PPP1R13B: variants seen among roughly 807,000 people sequenced by gnomAD.
PPP1R13B encodes the protein apoptosis-stimulating of p53 protein 1.
Under a neutral mutation model 119.8 loss-of-function variants are expected in PPP1R13B, and 44 were observed. That is an observed-to-expected ratio of 0.37 (90% CI 0.29 to 0.47). PPP1R13B has a LOEUF of 0.47. Among genes scored for constraint, PPP1R13B ranks in the 20% least tolerant of loss-of-function variants. PPP1R13B has a pLI of 0.99. For missense variants in PPP1R13B, 1,227 were observed against 1,413.5 expected, an observed-to-expected ratio of 0.87 and a Z score of 2.12; for synonymous variants, 542 against 561.5, an observed-to-expected ratio of 0.97 and a Z score of 0.49.
chr14:103,753,726 C>T (rs1489126381), intron 6 of PPP1R13B, among the ~76,000 whole-genome samples: 1 of 152,178 alleles, frequency 6.6e-6, no homozygotes, highest in Non-Finnish European at 1.5e-5. Context: ...GATTTTTCTA[C>T]TGCGTCTGAG....
chr14:103,769,197 T>C (rs1367723993), intron 4 of PPP1R13B, among the ~76,000 whole-genome samples: 1 of 152,134 alleles, frequency 6.6e-6, no homozygotes, highest in African/African-American at 2.4e-5. Flanking sequence ...GCAATTCTCC[T>C]GCTTAAGCCT....
intron 1 of PPP1R13B, among the ~76,000 whole-genome samples, chr14:103,825,248 C>T (rs1238102894): frequency 6.6e-6 from 1 of 152,166 alleles, no homozygotes; most frequent in African/African-American, 2.4e-5. Context: ...TTTCTCGAGC[C>T]TCCCTATTCC....
chr14:103,812,751 C>A lies in PPP1R13B; in HGVS notation c.10-15233G>T, dbSNP rs1216323433. Among the ~76,000 whole-genome samples the A allele has an allele frequency of 3.9e-5, 6 of 152,270 alleles. No homozygotes were observed. The South Asian group carries it at 8.3e-4, about 21-fold the overall frequency. On this transcript the variant is annotated intron_variant, in intron 1 of 16. Coordinates refer to ENST00000202556, the MANE Select transcript of PPP1R13B (RefSeq NM_015316.3). The stretch of plus-strand genomic sequence containing the variant: ...ATTTTTAATGGGCAAATGATCTGAA[C>A]AGATACTTCACCAAAGATGACATAC...
intron 4 of PPP1R13B, among the ~76,000 whole-genome samples, chr14:103,776,442 C>T (rs2085197167): frequency 6.6e-6 from 1 of 152,104 alleles, no homozygotes; most frequent in Admixed American, 6.6e-5. Context: ...TAGAAAGCTC[C>T]GAGGCCAGTG....
intron 2 of PPP1R13B, among the ~76,000 whole-genome samples, chr14:103,788,251 C>CCTAG (rs1459264861): frequency 1.3e-5 from 2 of 152,130 alleles, no homozygotes; most frequent in Non-Finnish European, 2.9e-5. Flanking sequence ...CTTAAACTTC[C>CCTAG]CTAGCTTCTT....
intron 1 of PPP1R13B, among the ~76,000 whole-genome samples, chr14:103,805,339 C>A (rs1328796366): frequency 1.3e-5 from 2 of 151,968 alleles, no homozygotes; most frequent in Non-Finnish European, 2.9e-5. Flanking sequence ...GGGAGGCCAA[C>A]GGTGGCAGAT....
At position 103,735,007 on chromosome 14, in the gene PPP1R13B, CTG is replaced by C. The variant is rs774195759; in HGVS notation, c.*145_*146del. 3 of 903,558 alleles carry C rather than the reference CTG, an allele frequency of 3.3e-6. No individual in the cohort carries two copies. The highest frequency in any genetic ancestry group is 2.6e-5 in the East Asian group (1 of 38,226). The allele number at this position is 903,558 out of a possible 1,614,324, so 56.0% of individuals were successfully genotyped here. ...CTGGAGAAAGGGCCTCACCTGGAAA[CTG>C]TAGGATTCACATTGTGGACGCTGTC... is the stretch of plus-strand genomic sequence containing the variant. On this transcript the variant is annotated 3_prime_UTR_variant, in exon 17 of 17. Coordinates refer to ENST00000202556, the MANE Select transcript of PPP1R13B (RefSeq NM_015316.3).
At chr14:103,760,767 G>A (rs542416724) in intron 4 of PPP1R13B, among the ~76,000 whole-genome samples, 5 of 152,034 alleles carry the variant, frequency 3.3e-5, no homozygotes, top group Non-Finnish European at 7.4e-5. Context: ...CAATAAACAC[G>A]GCCCACCCCG....
rs540743489 is a variant in PPP1R13B, at chr14:103,768,347, G to A, written c.354+10398C>T. 1.3e-3 allele frequency among the ~76,000 whole-genome samples: 203 copies of A among 152,168 alleles called. 1 individual carries two copies. Among genetic ancestry groups the A allele is most frequent in the African/African-American group, 4.6e-3 (189 of 41,538 alleles). ...AGTCTTGCTCTGTCGCCAGGCTGGA[G>A]TGCAAGTGGTGCCATCTTGGCTCAC... On this transcript the variant is annotated intron_variant, in intron 4 of 16. Coordinates refer to ENST00000202556, the MANE Select transcript of PPP1R13B (RefSeq NM_015316.3).
intron 1 of PPP1R13B, among the ~76,000 whole-genome samples, chr14:103,840,614 C>A (rs1379455561): frequency 6.6e-6 from 1 of 151,966 alleles, no homozygotes; most frequent in African/African-American, 2.4e-5. Flanking sequence ...CATGGTGAAA[C>A]CCTGTCTCTC....
chr14:103,848,524 G>A (rs1488906463), upstream of PPP1R13B: 10 of 980,554 alleles, frequency 1.0e-5, no homozygotes, highest in South Asian at 1.4e-4. Context: ...GCAGACAGGG[G>A]GACTGAGGTG....
chr14:103,763,898 C>T (rs1280687834), intron 4 of PPP1R13B: 1 of 152,218 alleles, frequency 6.6e-6, no homozygotes, highest in African/African-American at 2.4e-5. Context: ...GAAGTCATAC[C>T]ATAGGTAGTC....
At chr14:103,748,066 T>TACACACACATAC (rs2084434521) in intron 8 of PPP1R13B, among the ~76,000 whole-genome samples, 1 of 138,136 alleles carries the variant, frequency 7.2e-6, no homozygotes, top group African/African-American at 2.6e-5. Flanking sequence ...TTAAATCACA[T>TACACACACATAC]ACACACACAC....
At chr14:103,797,202 C>T (rs1328531066) in intron 2 of PPP1R13B, 169 bp downstream of exon 2, 1 of 532,652 alleles carries the variant, frequency 1.9e-6, no homozygotes, top group Non-Finnish European at 3.2e-6. Context: ...CCACAGATAA[C>T]TAAGAACTAC....
chr14:103,843,153 C>G (rs1354927937), intron 1 of PPP1R13B, among the ~76,000 whole-genome samples: 2 of 151,982 alleles, frequency 1.3e-5, no homozygotes, highest in Admixed American at 1.3e-4. Context: ...GGGCAGATAA[C>G]TGGAGGCCAG....
intron 2 of PPP1R13B, among the ~76,000 whole-genome samples, chr14:103,787,556 C>T (rs1264802986): frequency 6.7e-6 from 1 of 149,352 alleles, no homozygotes; most frequent in African/African-American, 2.5e-5. Context: ...TGGTGGCTTA[C>T]ACCTGAATCC....
intron 4 of PPP1R13B, among the ~76,000 whole-genome samples, chr14:103,760,458 C>T (rs986735079): frequency 4.6e-5 from 7 of 152,168 alleles, no homozygotes; most frequent in Admixed American, 1.3e-4. Context: ...GAGTTCAGCT[C>T]CAGGTCACAC....
At chr14:103,758,514 T>C (rs1050842962) in intron 4 of PPP1R13B, among the ~76,000 whole-genome samples, 1 of 152,224 alleles carries the variant, frequency 6.6e-6, no homozygotes, top group African/African-American at 2.4e-5. Flanking sequence ...AGTTCATTAC[T>C]TACTAAGCCC....
chr14:103,831,662 G>T (rs531331409), intron 1 of PPP1R13B, among the ~76,000 whole-genome samples: 4 of 151,006 alleles, frequency 2.6e-5, no homozygotes, highest in African/African-American at 9.7e-5. Flanking sequence ...GTGGCCGGGC[G>T]CAGTGGCTCA....
Sources: gnomAD v4.1 joint callset for allele counts (sites outside exome capture counted in the v4.1 genomes callset) on GRCh38, gnomAD v4.1.1 for gene constraint, MANE v1.5 for transcripts, NCBI Gene and HGNC (gene_info 2026-07-23, HGNC 2026-07-21) for gene names.